Variants in BARX2 observed in about 807,000 individuals in gnomAD.
BARX2 encodes homeobox protein BarH-like 2.
In BARX2, 11 loss-of-function variants were observed where a neutral mutation model predicts 25.5. The observed-to-expected ratio is 0.43, with a 90% CI of 0.27 to 0.71. The LOEUF (loss-of-function observed/expected upper bound fraction) is 0.71. Ranked by LOEUF, BARX2 falls within the 30% of genes least tolerant of loss-of-function variation. BARX2 has a pLI of 0.19. For missense variants in BARX2, 360 were observed against 359.9 expected (o/e 1.00, Z 0.00); for synonymous variants, 137 against 149.5 (o/e 0.92, Z 0.61).
At chr11:129,417,780 A>G (rs1429157708) in intron 1 of BARX2, among the ~76,000 whole-genome samples, 1 of 152,216 alleles carries the variant, frequency 6.6e-6, no homozygotes, top group Non-Finnish European at 1.5e-5. Context: ...AGTAGCCTCC[A>G]TTTGTATGGC....
intron 2 of BARX2, among the ~76,000 whole-genome samples, chr11:129,441,788 A>G (rs979046784): frequency 6.6e-6 from 1 of 152,226 alleles, no homozygotes; most frequent in Non-Finnish European, 1.5e-5. Flanking sequence ...CAGGTAGCAG[A>G]CAGGATTTGG....
intron 1 of BARX2, among the ~76,000 whole-genome samples, chr11:129,387,149 C>T (rs1861624105): frequency 6.6e-6 from 1 of 152,238 alleles, no homozygotes; most frequent in African/African-American, 2.4e-5. Context: ...AACAGACTGA[C>T]ACTTTTGCTT....
At chr11:129,451,039 C>T in intron 3 of BARX2, 97 bp from the exon 4 acceptor site, 6 of 1,454,288 alleles carry the variant, frequency 4.1e-6, no homozygotes, top group Non-Finnish European at 5.6e-6. Context: ...ACTGCTGGAA[C>T]AGATGGTTTA....
chr11:129,382,760 C>T (rs1021660928), intron 1 of BARX2, among the ~76,000 whole-genome samples: 7 of 152,120 alleles, frequency 4.6e-5, no homozygotes, highest in Non-Finnish European at 7.3e-5. Flanking sequence ...GCTCTAGGGA[C>T]GCACTCACAG....
intron 2 of BARX2, among the ~76,000 whole-genome samples, chr11:129,439,589 G>A (rs1862232913): frequency 6.6e-6 from 1 of 152,194 alleles, no homozygotes; most frequent in South Asian, 2.1e-4. Context: ...GGGCCAGCAG[G>A]TGGATAGGGA....
rs563408721 is a variant in BARX2 at position 129,437,130 on chromosome 11, C to T, written c.488+79C>T. On this transcript the variant is annotated intron_variant, in intron 2 of 3. Transcript: ENST00000281437. Reference sequence around the variant, plus strand: ...CTTGCTCCCATTGTGGGCCGTGGAGCCACAGCACTGGTACAGTGAGGCAGG... The same window carrying T: ...CTTGCTCCCATTGTGGGCCGTGGAGTCACAGCACTGGTACAGTGAGGCAGG... 1.7e-5 allele frequency: 24 copies of T among 1,392,428 alleles called. No homozygotes were observed. The African/African-American group carries it at 3.2e-4, about 19-fold the overall frequency. 86.3% of individuals were successfully genotyped at this position (1,392,428 alleles called of 1,614,324 possible). A position where few individuals can be genotyped will look rare whatever the true frequency, so the allele number is the denominator to read the frequency against.
intron 1 of BARX2, among the ~76,000 whole-genome samples, chr11:129,398,766 C>A (rs1056138472): frequency 6.6e-6 from 1 of 152,218 alleles, no homozygotes; most frequent in Admixed American, 6.5e-5. Context: ...TGTTAGCTCA[C>A]TTTGTGTAGA....
rs73569113 is a variant in BARX2 at position 129,390,891 on chromosome 11, C to G, written c.187+14669C>G. On this transcript the variant is annotated intron_variant, in intron 1 of 3. Coordinates refer to ENST00000281437, the MANE Select transcript of BARX2 (RefSeq NM_003658.5). This position sits in a 1 kb window ranked among gnomAD's most constrained non-coding sequence, Gnocchi z 4.3. The stretch of plus-strand genomic sequence containing the variant: ...TACAATAATGGTATTCATGCAGTGG[C>G]GCACAGAAAATTGTGTGTACTTGAC... Among the ~76,000 whole-genome samples the G allele has an allele frequency of 1.3e-5, 2 of 152,132 alleles. No homozygotes were observed. Among genetic ancestry groups the G allele is most frequent in the African/African-American group, 4.8e-5 (2 of 41,426 alleles).
intron 1 of BARX2, among the ~76,000 whole-genome samples, chr11:129,394,814 T>C (rs971600332): frequency 2.0e-5 from 3 of 152,198 alleles, no homozygotes; most frequent in African/African-American, 7.2e-5. Flanking sequence ...ACTGGAAAAG[T>C]AATGTTTATT....
intron 1 of BARX2, among the ~76,000 whole-genome samples, chr11:129,421,746 G>A (rs1862006488): frequency 6.6e-6 from 1 of 152,130 alleles, no homozygotes; most frequent in Non-Finnish European, 1.5e-5. Flanking sequence ...AGCTCTTCCT[G>A]CTTGTCCTTA....
chr11:129,391,081 A>AGGATTAATTT lies in BARX2; in HGVS notation c.187+14861_187+14870dup, dbSNP rs557300637. On this transcript the variant is annotated intron_variant, in intron 1 of 3. Transcript: ENST00000281437. ...GTTGGGGAGCAGTGATTGATGAAGG[A>AGGATTAATTT]GGATTAATTTGCTGCTTTTCGGGAG... is the stretch of plus-strand genomic sequence containing the variant. Among the ~76,000 whole-genome samples the AGGATTAATTT allele has an allele frequency of 2.8e-4, 42 of 152,206 alleles. No homozygotes were observed. The East Asian group carries it at 8.1e-3, about 29-fold the overall frequency.
chr11:129,402,385 A>G (rs548886114), intron 1 of BARX2, among the ~76,000 whole-genome samples: 196 of 152,330 alleles, frequency 1.3e-3, no homozygotes, highest in African/African-American at 4.7e-3. Flanking sequence ...CAAAGTGTGC[A>G]TGTAAACTGT....
At chr11:129,446,802 G>A (rs936300880) in intron 3 of BARX2, among the ~76,000 whole-genome samples, 2 of 152,148 alleles carry the variant, frequency 1.3e-5, no homozygotes, top group African/African-American at 4.8e-5. Flanking sequence ...GTCAGCTAAT[G>A]GGAGCAGCAG....
chr11:129,398,478 GAC>G (rs1861744423), intron 1 of BARX2, among the ~76,000 whole-genome samples: 1 of 152,120 alleles, frequency 6.6e-6, no homozygotes, highest in African/African-American at 2.4e-5. Context: ...TATCAAATAA[GAC>G]ACTTAGGAAA....
chr11:129,378,367 G>A (rs1861525509), intron 1 of BARX2, among the ~76,000 whole-genome samples: 1 of 152,148 alleles, frequency 6.6e-6, no homozygotes, highest in African/African-American at 2.4e-5. Context: ...ATTAGATCAT[G>A]GGAATCCCAT....
At chr11:129,442,633 A>AACTGTT in intron 2 of BARX2, 1 of 513,726 alleles carries the variant, frequency 1.9e-6, no homozygotes, top group Non-Finnish European at 3.4e-6. Flanking sequence ...AGGCATGGGC[A>AACTGTT]TCTGTTTCTC....
intron 1 of BARX2, among the ~76,000 whole-genome samples, chr11:129,387,384 C>T (rs773046645): frequency 6.6e-6 from 1 of 152,172 alleles, no homozygotes; most frequent in Non-Finnish European, 1.5e-5. Context: ...CTTTTGAATC[C>T]TCTGTCTGGA....
chr11:129,446,153 T>C (rs1284655093), intron 3 of BARX2, among the ~76,000 whole-genome samples: 1 of 152,160 alleles, frequency 6.6e-6, no homozygotes, highest in Non-Finnish European at 1.5e-5. Flanking sequence ...TCTGTTGGCT[T>C]TAGTTCCCGC....
intron 1 of BARX2, among the ~76,000 whole-genome samples, chr11:129,400,874 G>A (rs1861768481): frequency 6.6e-6 from 1 of 152,196 alleles, no homozygotes; most frequent in South Asian, 2.1e-4. Context: ...AGCCTACCCA[G>A]AGAGATAAAG....
Sources: gnomAD v4.1 joint callset for allele counts (sites outside exome capture counted in the v4.1 genomes callset) on GRCh38, gnomAD v4.1.1 for gene constraint, Gnocchi (gnomAD v3.1) non-coding constraint, MANE v1.5 for transcripts, NCBI Gene and HGNC (gene_info 2026-07-23, HGNC 2026-07-21) for gene names.